NADK2: variants seen among roughly 807,000 people sequenced by gnomAD.
NADK2 encodes NAD kinase domain-containing protein 1, mitochondrial.
NADK2 carries 35 observed loss-of-function variants against 62.1 expected under a neutral mutation model. The observed-to-expected ratio is 0.56, with a 90% CI of 0.43 to 0.75. The LOEUF (loss-of-function observed/expected upper bound fraction) is 0.75, where lower values mean the gene tolerates loss of function less well. Ranked by LOEUF, NADK2 falls within the 30% of genes least tolerant of loss-of-function variation. The pLI is 0.00. For missense variants in NADK2, 439 were observed against 561.3 expected (o/e 0.78, Z 2.20); for synonymous variants, 205 against 207.9 (o/e 0.99, Z 0.12).
intron 7 of NADK2, among the ~76,000 whole-genome samples, chr5:36,211,131 T>C (rs1160064614): frequency 6.6e-6 from 1 of 152,090 alleles, no homozygotes; most frequent in East Asian, 1.9e-4. Context: ...GCCGACATGG[T>C]GTATCAGGGG....
intron 11 of NADK2, among the ~76,000 whole-genome samples, 191 bp from the exon 12 acceptor site, chr5:36,195,473 A>G (rs1746196961): frequency 6.6e-6 from 1 of 152,174 alleles, no homozygotes; most frequent in Non-Finnish European, 1.5e-5. Context: ...GGATGGCACC[A>G]TTCGCTCAAG....
intron 1 of NADK2, among the ~76,000 whole-genome samples, chr5:36,231,940 TAAATA>T (rs1747724020): frequency 6.6e-6 from 1 of 151,966 alleles, no homozygotes; most frequent in African/African-American, 2.4e-5. Context: ...TTAAAATAAA[TAAATA>T]AATAAATAAA....
At chr5:36,240,622 G>C (rs1171236929) in intron 1 of NADK2, among the ~76,000 whole-genome samples, 1 of 152,166 alleles carries the variant, frequency 6.6e-6, no homozygotes. Flanking sequence ...TATGGGATCA[G>C]AAACTGTTTT....
At chr5:36,231,334 A>C (rs1747702393) in intron 1 of NADK2, among the ~76,000 whole-genome samples, 1 of 152,184 alleles carries the variant, frequency 6.6e-6, no homozygotes. Flanking sequence ...TCTAAATACA[A>C]AGTTCAGGCA....
intron 1 of NADK2, among the ~76,000 whole-genome samples, chr5:36,230,801 A>AT (rs11440793): frequency 0.92 from 140,654 of 152,262 alleles, 65,455 homozygotes; most frequent in Non-Finnish European, 0.98. Flanking sequence ...CTCTAAAAAA[A>AT]ATTCATCTAA....
chr5:36,206,773 T>C (rs1356002733), intron 8 of NADK2, among the ~76,000 whole-genome samples: 2 of 152,116 alleles, frequency 1.3e-5, no homozygotes, highest in African/African-American at 2.4e-5. Flanking sequence ...AGGGAGATTA[T>C]AGAGTAAACA....
At chr5:36,209,410 CA>C in intron 7 of NADK2, among the ~76,000 whole-genome samples, 1 of 152,224 alleles carries the variant, frequency 6.6e-6, no homozygotes, top group South Asian at 2.1e-4. Flanking sequence ...TAGCTCTCAG[CA>C]GTTACCTTTA....
rs113740087 is a variant in NADK2, at chr5:36,199,546, T to A, written c.1066+681A>T. On this transcript the variant is annotated intron_variant, in intron 10 of 11. Coordinates refer to ENST00000381937, the MANE Select transcript of NADK2 (RefSeq NM_001085411.3). ...GATAGTAGACTTCAGTGTGTTACAA[T>A]CTGATACGCAAATCAAATGAATGTG... 2.0e-3 allele frequency among the ~76,000 whole-genome samples: 307 copies of A among 152,186 alleles called. 1 individual carries two copies. The highest frequency in any genetic ancestry group is 5.1e-3 in the African/African-American group (212 of 41,542).
chr5:36,209,239 A>C (rs1489833057), intron 7 of NADK2, among the ~76,000 whole-genome samples: 3 of 152,178 alleles, frequency 2.0e-5, no homozygotes, highest in African/African-American at 4.8e-5. Flanking sequence ...TTTATGAGAT[A>C]AACCAACCAG....
intron 1 of NADK2, among the ~76,000 whole-genome samples, chr5:36,235,545 G>C (rs998992744): frequency 2.0e-5 from 3 of 152,196 alleles, no homozygotes; most frequent in African/African-American, 7.2e-5. Flanking sequence ...AAAGACATCA[G>C]ATTGTGCTTT....
chr5:36,201,012 G>T (rs916672616), intron 9 of NADK2, 94 bp downstream of exon 9: 10 of 972,548 alleles, frequency 1.0e-5, no homozygotes, highest in Admixed American at 1.9e-5. Flanking sequence ...ATAAGGGTTT[G>T]GTAGTATCCA....
At chr5:36,218,385 C>T (rs1283609101) in intron 5 of NADK2, 1 of 152,218 alleles carries the variant, frequency 6.6e-6, no homozygotes, top group Non-Finnish European at 1.5e-5. Context: ...ATTTAAATAA[C>T]ATCTCTGGTA....
rs991738116 is a variant in NADK2, at chr5:36,241,335, A to T, written c.300+164T>A. 7.8e-7 allele frequency: 1 copy of T among 1,275,054 alleles called. No individual in the cohort carries two copies. The highest frequency in any genetic ancestry group is 1.6e-5 in the African/African-American group (1 of 63,274). 79.0% of individuals were successfully genotyped at this position (1,275,054 alleles called of 1,614,324 possible). On this transcript the variant is annotated intron_variant, in intron 1 of 11. Transcript: ENST00000381937. The surrounding 1 kb of genome is among the most constrained non-coding windows in gnomAD (Gnocchi z 4.9). ...TCGCACACACGCCCAAAGGCAAAGG[A>T]GGCCCAGGGAGAAGCCAGAGGACCT...
Position 36,194,019 on chromosome 5 carries a change from T to A in NADK2, c.*1125A>T, listed in dbSNP as rs1746129976. 1 of 152,592 alleles carries A rather than the reference T, an allele frequency of 6.6e-6. No individual in the cohort carries two copies. Among genetic ancestry groups the A allele is most frequent in the Non-Finnish European group, 1.5e-5 (1 of 68,038 alleles). 9.5% of individuals were successfully genotyped at this position (152,592 alleles called of 1,614,324 possible). A position where few individuals can be genotyped will look rare whatever the true frequency, so the allele number is the denominator to read the frequency against. The stretch of plus-strand genomic sequence containing the variant: ...ACAACGGCACGAGAATACCAACTGT[T>A]TGATTATGCAACGACAGGATCTTTT... On this transcript the variant is annotated 3_prime_UTR_variant, in exon 12 of 12. Transcript: ENST00000381937.
At chr5:36,218,405 A>G (rs1420832413) in intron 5 of NADK2, 1 of 152,446 alleles carries the variant, frequency 6.6e-6, no homozygotes, top group Non-Finnish European at 1.5e-5. Flanking sequence ...AAAAGGAAAA[A>G]AACAATCAGG....
intron 8 of NADK2, among the ~76,000 whole-genome samples, chr5:36,206,818 G>A (rs936808618): frequency 9.9e-5 from 15 of 152,012 alleles, no homozygotes; most frequent in Non-Finnish European, 1.5e-5. Context: ...CTCCAGTTAG[G>A]CTTTTAATAT....
chr5:36,214,960 G>A (rs1746988017), intron 6 of NADK2, among the ~76,000 whole-genome samples: 1 of 152,144 alleles, frequency 6.6e-6, no homozygotes, highest in Non-Finnish European at 1.5e-5. Flanking sequence ...CATTTACATT[G>A]TGTTAGGTAT....
intron 1 of NADK2, among the ~76,000 whole-genome samples, chr5:36,237,279 T>C (rs1309191521): frequency 2.0e-5 from 3 of 152,080 alleles, no homozygotes; most frequent in East Asian, 3.9e-4. Context: ...GTAACATACA[T>C]ACTATTTTTA....
At chr5:36,217,996 T>C in intron 5 of NADK2, 112 bp from the exon 6 acceptor site, 1 of 927,748 alleles carries the variant, frequency 1.1e-6, no homozygotes, top group Non-Finnish European at 1.6e-6. Context: ...TACCAGTTAT[T>C]CCATGAATAA....
Sources: gnomAD v4.1 joint callset for allele counts (sites outside exome capture counted in the v4.1 genomes callset) on GRCh38, gnomAD v4.1.1 for gene constraint, Gnocchi (gnomAD v3.1) non-coding constraint, MANE v1.5 for transcripts, NCBI Gene and HGNC (gene_info 2026-07-23, HGNC 2026-07-21) for gene names.